The following SLC16A7 variants were observed in gnomAD, a reference collection of about 807,000 sequenced individuals.
The protein encoded by SLC16A7 is monocarboxylate transporter 2.
SLC16A7 carries 33 observed loss-of-function variants against 34.9 expected under a neutral mutation model. The ratio of observed to expected loss-of-function variants is 0.94; its 90% CI spans 0.72 to 1.26. The LOEUF is 1.26. SLC16A7 is among the 50% of genes most tolerant of loss of function. SLC16A7 has a pLI of 0.00. For missense variants in SLC16A7, 573 were observed against 578.1 expected, an observed-to-expected ratio of 0.99 and a Z score of 0.09; for synonymous variants, 201 against 206.6, an observed-to-expected ratio of 0.97 and a Z score of 0.23.
At chr12:59,771,106 C>A in intron 3 of SLC16A7, 113 bp from the exon 4 acceptor site, 1 of 959,598 alleles carries the variant, frequency 1.0e-6, no homozygotes, top group East Asian at 2.6e-5. Flanking sequence ...ACTAGTATTT[C>A]TCCTCTGACC....
At chr12:59,656,273 C>G (rs1868529655) in intron 2 of SLC16A7, among the ~76,000 whole-genome samples, 1 of 151,886 alleles carries the variant, frequency 6.6e-6, no homozygotes, top group Admixed American at 6.6e-5. Context: ...TGTTATGTTA[C>G]ATGGTAAAGG....
rs150107269 is a variant in SLC16A7 at position 59,689,917 on chromosome 12, A to C, written c.-30-14855A>C. 1.4e-3 allele frequency among the ~76,000 whole-genome samples: 209 copies of C among 152,100 alleles called. 1 individual carries two copies. Among genetic ancestry groups the C allele is most frequent in the Middle Eastern group, 6.8e-3 (2 of 294 alleles). ...AAACTTTCTAGGAAGAACCAGGGAC[A>C]ATTTCAGGAGTCAGGGGATGCTGAT... On this transcript the variant is annotated intron_variant, in intron 2 of 5. Coordinates refer to ENST00000547379, the MANE Select transcript of SLC16A7 (RefSeq NM_001270623.2).
chr12:59,702,381 G>T (rs936418014), intron 2 of SLC16A7, among the ~76,000 whole-genome samples: 4 of 151,932 alleles, frequency 2.6e-5, no homozygotes, highest in Admixed American at 6.6e-5. Flanking sequence ...GACAGAAAAC[G>T]TTTATGTTTC....
intron 2 of SLC16A7, among the ~76,000 whole-genome samples, chr12:59,672,239 CGT>C (rs1491502783): frequency 2.3e-5 from 3 of 131,668 alleles, no homozygotes; most frequent in East Asian, 2.2e-4. Flanking sequence ...TGCATATATA[CGT>C]ATATATATGT....
intron 5 of SLC16A7, among the ~76,000 whole-genome samples, chr12:59,775,978 C>G (rs1050436957): frequency 3.3e-5 from 5 of 152,062 alleles, no homozygotes; most frequent in African/African-American, 1.2e-4. Context: ...ATTCATGTAT[C>G]TATTCCATAT....
rs571905808 is a variant in SLC16A7, at chr12:59,639,721, C to T, written c.-129-15431C>T. On this transcript the variant is annotated intron_variant, in intron 1 of 5. Transcript: ENST00000547379. ...TATCTACACATGCACACAACCCTTC[C>T]GACACCAAATATATGATAATTTTTC... Among the ~76,000 whole-genome samples, 20 of 152,212 alleles carry T rather than the reference C, an allele frequency of 1.3e-4. No individual in the cohort carries two copies. The South Asian group carries it at 2.5e-3, about 19-fold the overall frequency.
chr12:59,757,635 T>G (rs1416263553), intron 3 of SLC16A7, among the ~76,000 whole-genome samples: 2 of 152,024 alleles, frequency 1.3e-5, no homozygotes, highest in African/African-American at 4.8e-5. Flanking sequence ...TTTCACAAAG[T>G]TACACCGTGT....
chr12:59,682,437 C>G (rs911264085), intron 2 of SLC16A7, among the ~76,000 whole-genome samples: 1 of 152,004 alleles, frequency 6.6e-6, no homozygotes, highest in Non-Finnish European at 1.5e-5. Context: ...CTGTATTAGA[C>G]GCTATAGTGA....
At chr12:59,617,003 C>T (rs1879484015) in intron 1 of SLC16A7, among the ~76,000 whole-genome samples, 1 of 151,900 alleles carries the variant, frequency 6.6e-6, no homozygotes, top group Non-Finnish European at 1.5e-5. Flanking sequence ...GGCTGGCTAA[C>T]AGTATAACAT....
chr12:59,649,398 T>A (rs1366847617), intron 1 of SLC16A7, among the ~76,000 whole-genome samples: 2 of 152,130 alleles, frequency 1.3e-5, no homozygotes, highest in East Asian at 3.9e-4. Flanking sequence ...ACAAGAGGCA[T>A]CAGTGGAATT....
At chr12:59,740,095 T>A (rs1175027438) in intron 3 of SLC16A7, among the ~76,000 whole-genome samples, 6 of 151,496 alleles carry the variant, frequency 4.0e-5, no homozygotes, top group Non-Finnish European at 8.8e-5. Flanking sequence ...TTGCTTTTGG[T>A]GTTTTAGACA....
In SLC16A7 at chr12:59,746,750, T is replaced by A. The variant is rs183566902; in HGVS notation, c.218-24469T>A. 1.8e-3 allele frequency among the ~76,000 whole-genome samples: 268 copies of A among 152,328 alleles called. 1 individual carries two copies. Among genetic ancestry groups the A allele is most frequent in the Non-Finnish European group, 3.3e-3 (226 of 68,030 alleles). On this transcript the variant is annotated intron_variant, in intron 3 of 5. Coordinates refer to ENST00000547379, the MANE Select transcript of SLC16A7 (RefSeq NM_001270623.2). Reference sequence around the variant, plus strand: ...GTAACAGCAACATAATTAAGAAATTTATGGATGAGGATGTCCTTGCAATAT... The same window carrying A: ...GTAACAGCAACATAATTAAGAAATTAATGGATGAGGATGTCCTTGCAATAT...
At chr12:59,779,243 T>C (rs1367695390) in intron 5 of SLC16A7, among the ~76,000 whole-genome samples, 180 bp from the exon 6 acceptor site, 2 of 152,132 alleles carry the variant, frequency 1.3e-5, no homozygotes, top group Non-Finnish European at 2.9e-5. Flanking sequence ...ACTGTAAGTG[T>C]CTCTGCATAC....
chr12:59,740,489 G>T (rs1328196460), intron 3 of SLC16A7, among the ~76,000 whole-genome samples: 1 of 152,078 alleles, frequency 6.6e-6, no homozygotes. Context: ...ATGCAGAAAA[G>T]GCCTTTGACA....
At chr12:59,677,271 G>A (rs1163061367) in intron 2 of SLC16A7, among the ~76,000 whole-genome samples, 2 of 151,786 alleles carry the variant, frequency 1.3e-5, no homozygotes, top group Admixed American at 6.6e-5. Context: ...TATTGGAAGG[G>A]GTAACACTTA....
chr12:59,789,511 C>T lies in SLC16A7; in HGVS notation c.*9832C>T, dbSNP rs1199055689. ...AAATGTCGACAATCATTTTAATGAC[C>T]AAAGGTGCTACTTATTTTTCAACAT... On this transcript the variant is annotated 3_prime_UTR_variant, in exon 6 of 6. Transcript: ENST00000547379. 6.6e-6 allele frequency: 1 copy of T among 151,958 alleles called. No individual in the cohort carries two copies. Among genetic ancestry groups the T allele is most frequent in the African/African-American group, 2.4e-5 (1 of 41,366 alleles). 9.4% of individuals were successfully genotyped at this position (151,958 alleles called of 1,614,324 possible).
At chr12:59,620,069 A>G (rs1166055532) in intron 1 of SLC16A7, among the ~76,000 whole-genome samples, 2 of 151,886 alleles carry the variant, frequency 1.3e-5, no homozygotes, top group African/African-American at 4.8e-5. Flanking sequence ...ATTGTTCCTT[A>G]TAGAGACAGA....
At chr12:59,751,786 T>A (rs528593908) in intron 3 of SLC16A7, among the ~76,000 whole-genome samples, 54 of 152,260 alleles carry the variant, frequency 3.5e-4, no homozygotes, top group African/African-American at 1.3e-3. Context: ...AGATCTGAGA[T>A]TGGGCAGACT....
intron 3 of SLC16A7, among the ~76,000 whole-genome samples, chr12:59,744,116 A>G (rs1257904053): frequency 6.6e-6 from 1 of 152,222 alleles, no homozygotes; most frequent in Non-Finnish European, 1.5e-5. Context: ...AGGCAGGGAA[A>G]TTCTGAGCAG....
Sources: allele counts gnomAD v4.1 joint callset (sites outside exome capture counted in the v4.1 genomes callset), GRCh38; gene constraint gnomAD v4.1.1; transcripts MANE v1.5; gene names NCBI Gene and HGNC (gene_info 2026-07-23, HGNC 2026-07-21).